The following PXN variants were observed in gnomAD, a reference collection of about 807,000 sequenced individuals.
PXN encodes the protein testicular tissue protein Li 134.
A neutral mutation model predicts 103.6 loss-of-function variants in PXN; 61 were observed. The observed-to-expected ratio is 0.59, with a 90% CI of 0.48 to 0.73. The LOEUF is 0.73. Among genes scored for constraint, PXN ranks in the 30% least tolerant of loss-of-function variants. The pLI is 0.00. For synonymous variants in PXN, 562 were observed against 607.8 expected, an observed-to-expected ratio of 0.92 and a Z score of 1.11; for missense variants, 1,274 against 1,460.3, an observed-to-expected ratio of 0.87 and a Z score of 2.08.
intron 1 of PXN, among the ~76,000 whole-genome samples, chr12:120,238,218 C>T (rs1224937778): frequency 6.6e-6 from 1 of 152,158 alleles, no homozygotes; most frequent in Non-Finnish European, 1.5e-5. Context: ...TAGTGGAGTT[C>T]ACGTGTAGGT....
intron 3 of PXN, 147 bp downstream of exon 3, chr12:120,223,571 G>A (rs1414456689): frequency 5.1e-6 from 3 of 593,170 alleles, no homozygotes; most frequent in Non-Finnish European, 8.9e-6. Context: ...CGGGCCCACC[G>A]ACAGGCCTTC....
At position 120,212,942 on chromosome 12, in the gene PXN, G is replaced by C; in HGVS notation, c.2980-362C>G. The C allele has an allele frequency of 5.1e-6, 1 of 196,832 alleles. No homozygotes were observed. The highest frequency in any genetic ancestry group is 1.0e-4 in the South Asian group (1 of 9,646). 12.2% of individuals were successfully genotyped at this position (196,832 alleles called of 1,614,324 possible). On this transcript the variant is annotated intron_variant, in intron 14 of 14. Coordinates refer to ENST00000637617, the MANE Select transcript of PXN (RefSeq NM_001385981.1). The surrounding 1 kb of genome is among the most constrained non-coding windows in gnomAD (Gnocchi z 7.2). ...ATGCAGCTACTGAGGTCACAGCCTG[G>C]ATTCATACACAGGTCTGACTCCTGA...
chr12:120,220,721 G>C lies in PXN; in HGVS notation c.832-630C>G, dbSNP rs1407129347. Among the ~76,000 whole-genome samples, 3 of 152,134 alleles carry C rather than the reference G, an allele frequency of 2.0e-5. No individual in the cohort carries two copies. Among genetic ancestry groups the C allele is most frequent in the African/African-American group, 7.2e-5 (3 of 41,436 alleles). ...CCACTGGCCTGGAGCTGGAACTATA[G>C]CACGCAAGGGTCACAGGGCCAGGCT... On this transcript the variant is annotated intron_variant, in intron 6 of 14. Transcript: ENST00000637617. The surrounding 1 kb of genome is among the most constrained non-coding windows in gnomAD (Gnocchi z 6.1).
chr12:120,231,081 G>A (rs545849890), intron 1 of PXN, among the ~76,000 whole-genome samples: 87 of 152,360 alleles, frequency 5.7e-4, no homozygotes, highest in African/African-American at 2.0e-3. Context: ...CAGCCAGTGC[G>A]GAGGAGGGGA....
At chr12:120,259,351 T>G (rs1376351424) in intron 1 of PXN, among the ~76,000 whole-genome samples, 1 of 150,800 alleles carries the variant, frequency 6.6e-6, no homozygotes, top group Admixed American at 6.6e-5. Flanking sequence ...AAGATCGCGC[T>G]GCTGCACTCC....
chr12:120,238,257 G>A (rs1889479162), intron 1 of PXN, among the ~76,000 whole-genome samples: 1 of 152,182 alleles, frequency 6.6e-6, no homozygotes, highest in Non-Finnish European at 1.5e-5. Flanking sequence ...GAGGGATAGG[G>A]TGGGAACAGA....
chr12:120,227,241 C>T, intron 1 of PXN: 1 of 825,758 alleles, frequency 1.2e-6, no homozygotes, highest in Non-Finnish European at 1.5e-6. Flanking sequence ...TGGCGCATGC[C>T]TATAGTCCCA....
chr12:120,237,628 A>G (rs1889343741), intron 1 of PXN, among the ~76,000 whole-genome samples: 1 of 152,166 alleles, frequency 6.6e-6, no homozygotes, highest in African/African-American at 2.4e-5. Flanking sequence ...GAGGGGAGTC[A>G]GGCTAGCTGC....
At chr12:120,253,911 T>G (rs1409177151) in intron 1 of PXN, among the ~76,000 whole-genome samples, 1 of 152,142 alleles carries the variant, frequency 6.6e-6, no homozygotes, top group Admixed American at 6.6e-5. Flanking sequence ...GATCGAGTCT[T>G]TCTCTGTCAC....
Position 120,223,826 on chromosome 12 carries a change from G to T in PXN, c.248C>A (p.Ser83Tyr), listed in dbSNP as rs1479948404. The stretch of plus-strand genomic sequence containing the variant: ...ACTGGAGCCGTACACAGGTGATGAG[G>T]ACTGAGGCTGCGAGAAGGAGAATGC... ...SSRFIHQQPQ[S>Y]SSPVYGSSAK... is the part of the protein sequence containing the mutation. The change falls in exon 3 of 15, where the codon TCC becomes TAC. Residue 83 changes from serine (S) to tyrosine (Y), a missense_variant. Coordinates refer to ENST00000637617, the MANE Select transcript of PXN (RefSeq NM_001385981.1). 1.3e-6 allele frequency: 2 copies of T among 1,598,260 alleles called. No homozygotes were observed. The highest frequency in any genetic ancestry group is 1.7e-5 in the Admixed American group (1 of 58,160).
chr12:120,242,847 C>T (rs936218888), intron 1 of PXN, among the ~76,000 whole-genome samples: 4 of 151,066 alleles, frequency 2.6e-5, no homozygotes, highest in Non-Finnish European at 4.4e-5. Flanking sequence ...TGCCACTGCA[C>T]TCCAGCCTGA....
At position 120,214,821 on chromosome 12, in the gene PXN, T is replaced by A; in HGVS notation, c.2748+4A>T. On this transcript the variant is annotated splice_donor_region_variant and intron_variant, in intron 12 of 14. Transcript: ENST00000637617. This position sits in a 1 kb window ranked among gnomAD's most constrained non-coding sequence, Gnocchi z 5.0. ...GCGGGCGCGGTGCCGGATGAGGAAC[T>A]CACATCCAGGATGGGGCCGTTGCAG... The A allele has an allele frequency of 6.2e-7, 1 of 1,613,724 alleles. No individual in the cohort carries two copies. Among genetic ancestry groups the A allele is most frequent in the Non-Finnish European group, 8.5e-7 (1 of 1,179,676 alleles).
chr12:120,248,492 T>TCACACACACACACACACACACA (rs3221954), intron 1 of PXN, among the ~76,000 whole-genome samples: 1 of 127,842 alleles, frequency 7.8e-6, no homozygotes, highest in African/African-American at 3.1e-5. Flanking sequence ...CAGATGACTT[T>TCACACACACACACACACACACA]CACACACACA....
Position 120,215,048 on chromosome 12 carries a change from C to A in PXN, c.2575-50G>T, listed in dbSNP as rs1476912738. 1.2e-6 allele frequency: 2 copies of A among 1,602,138 alleles called. No homozygotes were observed. Among genetic ancestry groups the A allele is most frequent in the Non-Finnish European group, 1.7e-6 (2 of 1,174,374 alleles). ...CAGGGCCAAGGCCAGCCCCGGAGCA[C>A]CCCCACCCCTGCAGGAGTCCACTGG... is the stretch of plus-strand genomic sequence containing the variant. On this transcript the variant is annotated intron_variant, in intron 11 of 14. Coordinates refer to ENST00000637617, the MANE Select transcript of PXN (RefSeq NM_001385981.1). This position sits in a 1 kb window ranked among gnomAD's most constrained non-coding sequence, Gnocchi z 4.9.
intron 1 of PXN, among the ~76,000 whole-genome samples, chr12:120,246,689 C>A (rs1466043719): frequency 6.6e-6 from 1 of 151,248 alleles, no homozygotes; most frequent in African/African-American, 2.4e-5. Context: ...CCTGTCTCTA[C>A]TAAAAATACA....
chr12:120,252,867 G>A (rs1292742108), intron 1 of PXN, among the ~76,000 whole-genome samples: 4 of 151,824 alleles, frequency 2.6e-5, no homozygotes, highest in Non-Finnish European at 5.9e-5. Context: ...GCGTGGTGGC[G>A]GGCGCCTGTA....
rs544247310 is a variant in PXN at position 120,225,349 on chromosome 12, C to T, written c.14-972G>A. The T allele has an allele frequency of 6.5e-6, 1 of 152,968 alleles. No homozygotes were observed. The highest frequency in any genetic ancestry group is 1.5e-5 in the Non-Finnish European group (1 of 68,584). 9.5% of individuals were successfully genotyped at this position (152,968 alleles called of 1,614,324 possible). A position where few individuals can be genotyped will look rare whatever the true frequency, so the allele number is the denominator to read the frequency against. ...CACAACTTGCTTGCTCTCAGCTCCCCGGTAACCTGCTGGGTCCAGGGAGCT... is the reference window on the plus strand; with the variant it reads ...CACAACTTGCTTGCTCTCAGCTCCCTGGTAACCTGCTGGGTCCAGGGAGCT... On this transcript the variant is annotated intron_variant, in intron 1 of 14. Coordinates refer to ENST00000637617, the MANE Select transcript of PXN (RefSeq NM_001385981.1). The surrounding 1 kb of genome is among the most constrained non-coding windows in gnomAD (Gnocchi z 4.4).
At position 120,217,343 on chromosome 12, in the gene PXN, G is replaced by A. The variant is rs1464407545; in HGVS notation, c.1717-227C>T. On this transcript the variant is annotated intron_variant, in intron 7 of 14. Transcript: ENST00000637617. This position sits in a 1 kb window ranked among gnomAD's most constrained non-coding sequence, Gnocchi z 4.1. The stretch of plus-strand genomic sequence containing the variant: ...GGCTCCAGAAGCACAGGCTGCGAGC[G>A]AGACCTCTGACCCAGCATTCACCTC... 2.0e-5 allele frequency among the ~76,000 whole-genome samples: 3 copies of A among 152,140 alleles called. No individual in the cohort carries two copies. Among genetic ancestry groups the A allele is most frequent in the Admixed American group, 6.5e-5 (1 of 15,284 alleles).
chr12:120,257,043 G>T (rs930493645), intron 1 of PXN, among the ~76,000 whole-genome samples: 6 of 152,044 alleles, frequency 3.9e-5, no homozygotes, highest in African/African-American at 1.4e-4. Context: ...TTATGTTTTA[G>T]AAGAGGCCAA....
Sources: gnomAD v4.1 joint callset for allele counts (sites outside exome capture counted in the v4.1 genomes callset) on GRCh38, gnomAD v4.1.1 for gene constraint, Gnocchi (gnomAD v3.1) non-coding constraint, MANE v1.5 for transcripts, NCBI Gene and HGNC (gene_info 2026-07-23, HGNC 2026-07-21) for gene names.